The following SHISA9 variants were observed in gnomAD, a reference collection of about 807,000 sequenced individuals.
SHISA9 encodes the protein shisa family member 9, also known as protein shisa-9.
Under a neutral mutation model 38.0 loss-of-function variants are expected in SHISA9, and 13 were observed. The ratio of observed to expected loss-of-function variants is 0.34; its 90% CI spans 0.22 to 0.54. The LOEUF (loss-of-function observed/expected upper bound fraction) is 0.54, where lower values mean the gene tolerates loss of function less well. SHISA9 is among the 20% of genes least tolerant of loss of function. SHISA9 has a pLI of 0.91. For missense variants in SHISA9, 538 were observed against 575.8 expected (o/e 0.93, Z 0.67); for synonymous variants, 275 against 242.0 (o/e 1.14, Z -1.27).
chr16:13,420,586 A>T, the SHISA9 span, among the ~76,000 whole-genome samples: 1 of 152,176 alleles, frequency 6.6e-6, no homozygotes, highest in African/African-American at 2.4e-5. Flanking sequence ...GTAATGTTCC[A>T]TATAGAAGAA....
At chr16:13,259,905 C>T in the SHISA9 span, among the ~76,000 whole-genome samples, 9 of 152,144 alleles carry the variant, frequency 5.9e-5, no homozygotes, top group African/African-American at 1.9e-4. Context: ...GACATTTTCC[C>T]CATGGTCTTG....
chr16:13,340,651 T>A, the SHISA9 span, among the ~76,000 whole-genome samples: 4 of 152,182 alleles, frequency 2.6e-5, no homozygotes, highest in Non-Finnish European at 5.9e-5. Context: ...ATCAGTCACT[T>A]TTTCCCTGCT....
chr16:13,199,601 C>G (rs1451683948), intron 2 of SHISA9, among the ~76,000 whole-genome samples: 1 of 152,212 alleles, frequency 6.6e-6, no homozygotes, highest in African/African-American at 2.4e-5. Context: ...GATTCTTATT[C>G]TTTAATAATG....
the SHISA9 span, among the ~76,000 whole-genome samples, chr16:13,304,257 T>C: frequency 3.3e-5 from 5 of 152,206 alleles, no homozygotes; most frequent in Non-Finnish European, 7.3e-5. Context: ...CACACGGAAG[T>C]TGCCTTTTAT....
chr16:13,416,216 AT>A, the SHISA9 span, among the ~76,000 whole-genome samples: 1 of 152,236 alleles, frequency 6.6e-6, no homozygotes, highest in African/African-American at 2.4e-5. Flanking sequence ...GTTATAAATG[AT>A]AACAGTAGTA....
chr16:13,478,094 C>A, the SHISA9 span, among the ~76,000 whole-genome samples: 2 of 152,210 alleles, frequency 1.3e-5, no homozygotes, highest in African/African-American at 4.8e-5. Context: ...CCTCTGAAAT[C>A]CTTTCTGTCT....
the SHISA9 span, among the ~76,000 whole-genome samples, chr16:13,378,010 G>A: frequency 6.6e-6 from 1 of 150,386 alleles, no homozygotes; most frequent in Non-Finnish European, 1.5e-5. Context: ...TCCAGCCTGG[G>A]CAACAGAGCA....
At chr16:13,441,908 A>C in the SHISA9 span, among the ~76,000 whole-genome samples, 1 of 152,218 alleles carries the variant, frequency 6.6e-6, no homozygotes, top group Non-Finnish European at 1.5e-5. Flanking sequence ...ATGTGCTGAA[A>C]AGGTAACCCA....
At chr16:13,130,187 A>G (rs150058) in intron 2 of SHISA9, among the ~76,000 whole-genome samples, 13,180 of 152,166 alleles carry the variant, frequency 0.087, 626 homozygotes, top group African/African-American at 0.12. Flanking sequence ...TGGGACATCA[A>G]TATGACATAG....
the SHISA9 span, among the ~76,000 whole-genome samples, chr16:13,544,447 T>TTTCC: frequency 6.9e-6 from 1 of 144,212 alleles, no homozygotes; most frequent in Non-Finnish European, 1.5e-5. Flanking sequence ...TTTTTTTTTT[T>TTTCC]CCCCGCTGGA....
chr16:13,146,610 T>C (rs1296943868), intron 2 of SHISA9, among the ~76,000 whole-genome samples: 1 of 152,210 alleles, frequency 6.6e-6, no homozygotes, highest in Non-Finnish European at 1.5e-5. Flanking sequence ...AAAGCCAACA[T>C]TTATTGAGCC....
the SHISA9 span, among the ~76,000 whole-genome samples, chr16:13,253,374 C>G: frequency 6.6e-6 from 1 of 152,188 alleles, no homozygotes; most frequent in East Asian, 1.9e-4. Flanking sequence ...AACACCTGTC[C>G]AAAGGTACAA....
chr16:13,313,452 A>T, the SHISA9 span, among the ~76,000 whole-genome samples: 1 of 152,210 alleles, frequency 6.6e-6, no homozygotes, highest in African/African-American at 2.4e-5. Flanking sequence ...AAATCAACAG[A>T]TAATTCCTGA....
At chr16:13,382,325 C>T in the SHISA9 span, among the ~76,000 whole-genome samples, 16 of 150,098 alleles carry the variant, frequency 1.1e-4, no homozygotes, top group South Asian at 2.1e-4. Flanking sequence ...GACAGGAGTT[C>T]GAGACCAGCC....
the SHISA9 span, among the ~76,000 whole-genome samples, chr16:13,320,320 A>T: frequency 4.7e-5 from 7 of 148,170 alleles, no homozygotes; most frequent in South Asian, 2.2e-4. Context: ...AAAAAAAAAA[A>T]GTAGGCAAAA....
downstream of SHISA9, among the ~76,000 whole-genome samples, chr16:13,241,575 G>C (rs2051435756): frequency 6.6e-6 from 1 of 152,158 alleles, no homozygotes; most frequent in Non-Finnish European, 1.5e-5. Flanking sequence ...GCCAGTCACT[G>C]TACACCAAAG....
the SHISA9 span, among the ~76,000 whole-genome samples, chr16:13,355,807 G>A: frequency 4.6e-5 from 7 of 152,184 alleles, no homozygotes; most frequent in African/African-American, 1.7e-4. Flanking sequence ...GGGGGCTTCC[G>A]AGGCGATCGG....
chr16:13,549,953 G>C, the SHISA9 span, among the ~76,000 whole-genome samples: 3 of 151,642 alleles, frequency 2.0e-5, no homozygotes, highest in East Asian at 5.8e-4. Context: ...AACCCAGGAG[G>C]CAGAGGTTGC....
intron 2 of SHISA9, among the ~76,000 whole-genome samples, chr16:12,940,001 T>G (rs1035064972): frequency 2.0e-5 from 3 of 152,360 alleles, no homozygotes; most frequent in Admixed American, 1.3e-4. Context: ...AAAGTCATTA[T>G]TATCCAACCA....
Sources: gnomAD v4.1 joint callset for allele counts (sites outside exome capture counted in the v4.1 genomes callset) on GRCh38, gnomAD v4.1.1 for gene constraint, MANE v1.5 for transcripts, NCBI Gene and HGNC (gene_info 2026-07-23, HGNC 2026-07-21) for gene names.